SLC46A1: variants seen among roughly 807,000 people sequenced by gnomAD.
SLC46A1 encodes the protein solute carrier family 46 member 1, also known as proton-coupled folate transporter.
A neutral mutation model predicts 32.1 loss-of-function variants in SLC46A1; 17 were observed. The ratio of observed to expected loss-of-function variants is 0.53; its 90% CI spans 0.36 to 0.79. The LOEUF is 0.79. Ranked by LOEUF, SLC46A1 falls within the 30% of genes least tolerant of loss-of-function variation. The pLI is 0.00. For missense variants in SLC46A1, 517 were observed against 588.2 expected (o/e 0.88, Z 1.25); for synonymous variants, 240 against 262.7 (o/e 0.91, Z 0.84).
In SLC46A1 at chr17:28,395,969, C is replaced by G. The variant is rs1175888767; in HGVS notation, c.*3687G>C. On this transcript the variant is annotated 3_prime_UTR_variant, in exon 5 of 5. Coordinates refer to ENST00000612814, the MANE Select transcript of SLC46A1 (RefSeq NM_080669.6). Reference sequence around the variant, plus strand: ...CCCATCATTGATGGCTTCGAGTGGCCTGAGCCCCAGGTCCTGCCTGAGGAC... The same window carrying G: ...CCCATCATTGATGGCTTCGAGTGGCGTGAGCCCCAGGTCCTGCCTGAGGAC... The G allele has an allele frequency of 6.2e-7, 1 of 1,613,854 alleles. No individual in the cohort carries two copies. Among genetic ancestry groups the G allele is most frequent in the Non-Finnish European group, 8.5e-7 (1 of 1,179,890 alleles).
At chr17:28,402,103 G>T in intron 3 of SLC46A1, 135 bp downstream of exon 3, 1 of 695,442 alleles carries the variant, frequency 1.4e-6, no homozygotes, top group Non-Finnish European at 2.4e-6. Context: ...ACAGAAATGT[G>T]TTTGTTTTGG....
intron 3 of SLC46A1, 136 bp from the exon 4 acceptor site, chr17:28,400,902 C>T (rs2068189161): frequency 6.4e-6 from 5 of 775,724 alleles, no homozygotes; most frequent in Non-Finnish European, 2.2e-6. Flanking sequence ...AATCCTGCTA[C>T]ATCATGTACT....
rs1555589769 is a variant in SLC46A1 at position 28,402,257 on chromosome 17, C to T, written c.1146G>A (p.Leu382=). 2 of 1,613,386 alleles carry T rather than the reference C, an allele frequency of 1.2e-6. No homozygotes were observed. The highest frequency in any genetic ancestry group is 1.3e-5 in the African/African-American group (1 of 75,048). Residue 382 remains leucine (L), a synonymous_variant, in exon 3 of 5, where the codon CTG becomes CTA. Transcript: ENST00000612814. ...TPVIRAKLSK[L]VRETEQGALF... ...ACTCACCCTGCTCTGTCTCTCTCAC[C>T]AGCTTGGAGAGTTTAGCCCGGATGA...
Position 28,405,422 on chromosome 17 carries a change from C to G in SLC46A1, c.275G>C (p.Gly92Ala). Residue 92 changes from glycine to alanine, a missense_variant, in exon 2 of 5, where the codon GGC (glycine) becomes GCC (alanine). Gly to Ala is a moderately conservative substitution (Grantham distance 60). Transcript: ENST00000612814. ...CGAGAAGAGCCCCACCAGGAAGCCG[C>G]CCACGTTCATGTAGAGGGTCCAGTG... ...TSHWTLYMNV[G>A]GFLVGLFSST... is the part of the protein sequence containing the mutation. The G allele has an allele frequency of 6.3e-7, 1 of 1,593,244 alleles. No homozygotes were observed. Among genetic ancestry groups the G allele is most frequent in the Non-Finnish European group, 8.5e-7 (1 of 1,170,650 alleles).
chr17:28,404,390 T>C (rs1255714307), intron 2 of SLC46A1: 2 of 602,806 alleles, frequency 3.3e-6, no homozygotes, highest in East Asian at 2.9e-5. Flanking sequence ...TAATGGTTGA[T>C]AACAGTGGGT....
chr17:28,396,069 C>G lies in SLC46A1; in HGVS notation c.*3587G>C. ...GGGACCAGGGGGGTAGGGTACAAAT[C>G]ACCATGACAGGCAGAGTGTGGGCAA... On this transcript the variant is annotated 3_prime_UTR_variant, in exon 5 of 5. Coordinates refer to ENST00000612814, the MANE Select transcript of SLC46A1 (RefSeq NM_080669.6). The G allele has an allele frequency of 2.5e-6, 4 of 1,613,568 alleles. No homozygotes were observed. The highest frequency in any genetic ancestry group is 3.4e-6 in the Non-Finnish European group (4 of 1,179,628).
chr17:28,396,158 T>C lies in SLC46A1; in HGVS notation c.*3498A>G. The C allele has an allele frequency of 6.2e-7, 1 of 1,613,842 alleles. No homozygotes were observed. Among genetic ancestry groups the C allele is most frequent in the Non-Finnish European group, 8.5e-7 (1 of 1,179,842 alleles). On this transcript the variant is annotated 3_prime_UTR_variant, in exon 5 of 5. Transcript: ENST00000612814. Reference sequence around the variant, plus strand: ...CCACATTGGCTCCTGTGCCCACAGGTGGTCCCACGAATACCAGGAGGCCAC... The same window carrying C: ...CCACATTGGCTCCTGTGCCCACAGGCGGTCCCACGAATACCAGGAGGCCAC...
In SLC46A1 at chr17:28,396,063, A is replaced by G. The variant is rs1186974608; in HGVS notation, c.*3593T>C. ...GGCCCTGGGACCAGGGGGGTAGGGT[A>G]CAAATCACCATGACAGGCAGAGTGT... On this transcript the variant is annotated 3_prime_UTR_variant, in exon 5 of 5. Coordinates refer to ENST00000612814, the MANE Select transcript of SLC46A1 (RefSeq NM_080669.6). 7.4e-6 allele frequency: 12 copies of G among 1,613,430 alleles called. No homozygotes were observed. The highest frequency in any genetic ancestry group is 9.3e-6 in the Non-Finnish European group (11 of 1,179,658).
Position 28,406,204 on chromosome 17 carries a change from G to C in SLC46A1, c.-90C>G. The C allele has an allele frequency of 2.0e-6, 2 of 1,000,920 alleles. No homozygotes were observed. Among genetic ancestry groups the C allele is most frequent in the South Asian group, 3.3e-5 (1 of 30,416 alleles). The allele number at this position is 1,000,920 out of a possible 1,614,324, so 62.0% of individuals were successfully genotyped here. On this transcript the variant is annotated 5_prime_UTR_variant, in exon 1 of 5. Coordinates refer to ENST00000612814, the MANE Select transcript of SLC46A1 (RefSeq NM_080669.6). This position sits in a 1 kb window ranked among gnomAD's most constrained non-coding sequence, Gnocchi z 4.5. ...ACCAGCGACGCGTGGCGTGGGGCTTGCGCTGTCTGCGCCTGCGCCCGGCGT... is the reference window on the plus strand; with the variant it reads ...ACCAGCGACGCGTGGCGTGGGGCTTCCGCTGTCTGCGCCTGCGCCCGGCGT...
chr17:28,406,442 G>T, upstream of SLC46A1: 1 of 309,668 alleles, frequency 3.2e-6, no homozygotes, highest in African/African-American at 2.2e-5. This position sits in a 1 kb window ranked among gnomAD's most constrained non-coding sequence, Gnocchi z 4.5. Flanking sequence ...CAATTAACAT[G>T]TATTGACCAC....
intron 4 of SLC46A1, chr17:28,400,070 T>C (rs1157450838): frequency 3.6e-6 from 1 of 281,092 alleles, no homozygotes; most frequent in Non-Finnish European, 6.9e-6. Flanking sequence ...ATTTTTTAAA[T>C]TTTTTATACA....
rs2068246567 is a variant in SLC46A1, at chr17:28,405,359, C to T, written c.338G>A (p.Arg113His). ...LLGAWSDSVGRRPLLVLASLG... is the reference protein window; with the variant it reads ...LLGAWSDSVGHRPLLVLASLG... The stretch of plus-strand genomic sequence containing the variant: ...CGAGGCCAGCACTAGCAGCGGGCGG[C>T]GGCCCACACTGTCGCTCCAAGCTCC... The change falls in exon 2 of 5, where the codon CGC becomes CAC. Residue 113 changes from arginine to histidine, a missense_variant. Physicochemically the swap from Arg to His is conservative, Grantham distance 29. Coordinates refer to ENST00000612814, the MANE Select transcript of SLC46A1 (RefSeq NM_080669.6). The T allele has an allele frequency of 1.3e-6, 2 of 1,585,456 alleles. No homozygotes were observed. Among genetic ancestry groups the T allele is most frequent in the South Asian group, 2.3e-5 (2 of 86,896 alleles).
Position 28,397,432 on chromosome 17 carries a change from C to G in SLC46A1, c.*2224G>C, listed in dbSNP as rs147076381. 2 of 152,300 alleles carry G rather than the reference C, an allele frequency of 1.3e-5. No homozygotes were observed. Among genetic ancestry groups the G allele is most frequent in the African/African-American group, 4.8e-5 (2 of 41,544 alleles). The allele number at this position is 152,300 out of a possible 1,614,324, so 9.4% of individuals were successfully genotyped here. A position where few individuals can be genotyped will look rare whatever the true frequency, so the allele number is the denominator to read the frequency against. On this transcript the variant is annotated 3_prime_UTR_variant, in exon 5 of 5. Coordinates refer to ENST00000612814, the MANE Select transcript of SLC46A1 (RefSeq NM_080669.6). ...AATCTTTGCCATTTCCCAAACACTC[C>G]GCTCCATGGTCTCCAGTCATCAGAG...
At chr17:28,405,624 G>C in intron 1 of SLC46A1, 156 bp from the exon 2 acceptor site, 2 of 1,201,508 alleles carry the variant, frequency 1.7e-6, no homozygotes, top group South Asian at 1.5e-5. Flanking sequence ...CAGTGGAGAG[G>C]GGGAAGGACA....
chr17:28,401,371 T>C (rs942726708), intron 3 of SLC46A1: 1 of 157,802 alleles, frequency 6.3e-6, no homozygotes, highest in Non-Finnish European at 1.4e-5. Flanking sequence ...ACAGAGAAAG[T>C]GCTGGGAAAA....
Position 28,404,693 on chromosome 17 carries a change from G to A in SLC46A1, c.1004C>T (p.Ala335Val). Residue 335 changes from alanine (A) to valine (V), a missense_variant, in exon 2 of 5, where the codon GCT becomes GTT. Physicochemically the swap from Ala to Val is moderately conservative, Grantham distance 64. Coordinates refer to ENST00000612814, the MANE Select transcript of SLC46A1 (RefSeq NM_080669.6). Reference protein sequence around the residue: ...LQYCLADAWVAEIGLAFNILG... With the variant: ...LQYCLADAWVVEIGLAFNILG... ...GATGTTGAAGGCCAGGCCGATCTCA[G>A]CTACCCAGGCATCGGCCAGGCAGTA... 6.2e-7 allele frequency: 1 copy of A among 1,613,918 alleles called. No individual in the cohort carries two copies. Among genetic ancestry groups the A allele is most frequent in the Non-Finnish European group, 8.5e-7 (1 of 1,179,828 alleles).
At chr17:28,400,975 A>C in intron 3 of SLC46A1, 6 of 577,120 alleles carry the variant, frequency 1.0e-5, no homozygotes, top group East Asian at 3.0e-5. Flanking sequence ...TACTAAACAA[A>C]TGGCTGCTAT....
In SLC46A1 at chr17:28,395,143, C is replaced by G. The variant is rs1045268061; in HGVS notation, c.*4513G>C. On this transcript the variant is annotated 3_prime_UTR_variant, in exon 5 of 5. Coordinates refer to ENST00000612814, the MANE Select transcript of SLC46A1 (RefSeq NM_080669.6). ...GAGCTTTAGGTTTGATTTAACAAAGCTTGAATAATAGTAATAAATAATATT... is the reference window on the plus strand; with the variant it reads ...GAGCTTTAGGTTTGATTTAACAAAGGTTGAATAATAGTAATAAATAATATT... 2 of 152,112 alleles carry G rather than the reference C, an allele frequency of 1.3e-5. No homozygotes were observed. The highest frequency in any genetic ancestry group is 2.9e-5 in the Non-Finnish European group (2 of 68,020). The allele number at this position is 152,112 out of a possible 1,614,324, so 9.4% of individuals were successfully genotyped here.
chr17:28,399,811 G>A (rs993303948), intron 4 of SLC46A1, 98 bp from the exon 5 acceptor site: 4 of 1,289,198 alleles, frequency 3.1e-6, no homozygotes, highest in Admixed American at 1.8e-5. Context: ...GGCTGGTCCA[G>A]GTAGCTCTCC....
Sources: gnomAD v4.1 joint callset for allele counts on GRCh38, gnomAD v4.1.1 for gene constraint, Gnocchi (gnomAD v3.1) non-coding constraint, MANE v1.5 for transcripts, NCBI Gene and HGNC (gene_info 2026-07-23, HGNC 2026-07-21) for gene names.